ZNF736: variants seen among roughly 807,000 people sequenced by gnomAD.
The protein encoded by ZNF736 is KRAB-containing zinc-finger repressor protein.
Under a neutral mutation model 11.7 loss-of-function variants are expected in ZNF736, and 6 were observed. That is an observed-to-expected ratio of 0.51 (90% CI 0.28 to 1.01). The LOEUF is 1.01. Ranked by LOEUF, ZNF736 falls within the 50% of genes least tolerant of loss-of-function variation. The pLI, the probability that ZNF736 is intolerant of heterozygous loss-of-function variation, is 0.09. For synonymous variants in ZNF736, 139 were observed against 164.7 expected (o/e 0.84, Z 1.19); for missense variants, 444 against 496.0 (o/e 0.90, Z 1.00).
intron 1 of ZNF736, among the ~76,000 whole-genome samples, chr7:64,325,878 C>G (rs1789076411): frequency 6.6e-6 from 1 of 151,984 alleles, no homozygotes; most frequent in Admixed American, 6.6e-5. Flanking sequence ...ATTATGAAGC[C>G]AAGGAAATCT....
chr7:64,344,609 TA>T (rs1228094797), intron 3 of ZNF736, among the ~76,000 whole-genome samples: 1 of 152,208 alleles, frequency 6.6e-6, no homozygotes, highest in Non-Finnish European at 1.5e-5. Context: ...GTCTTTATAA[TA>T]GATATTAGAA....
chr7:64,322,762 T>G (rs905142716), intron 1 of ZNF736, among the ~76,000 whole-genome samples: 28 of 152,232 alleles, frequency 1.8e-4, no homozygotes, highest in African/African-American at 6.8e-4. Context: ...ATATCCTGAC[T>G]TGAAAATTAA....
intron 1 of ZNF736, 104 bp from the exon 2 acceptor site, chr7:64,336,155 G>A: frequency 2.3e-6 from 3 of 1,314,306 alleles, no homozygotes; most frequent in Non-Finnish European, 3.2e-6. Context: ...GATAACTCCA[G>A]TAACTCATAT....
chr7:64,329,555 C>G (rs1405831016), intron 1 of ZNF736, among the ~76,000 whole-genome samples: 1 of 152,186 alleles, frequency 6.6e-6, no homozygotes, highest in African/African-American at 2.4e-5. Flanking sequence ...CCAAGAGAGT[C>G]TCTGGGTTAC....
At chr7:64,343,215 A>G (rs1255867149) in intron 3 of ZNF736, among the ~76,000 whole-genome samples, 1 of 152,214 alleles carries the variant, frequency 6.6e-6, no homozygotes. Context: ...CTATATACAC[A>G]TTGAAATACT....
At chr7:64,332,429 A>T (rs751960491) in intron 1 of ZNF736, among the ~76,000 whole-genome samples, 2 of 152,174 alleles carry the variant, frequency 1.3e-5, no homozygotes, top group African/African-American at 2.4e-5. Context: ...AGGTACAAAG[A>T]TCACATGCTT....
chr7:64,336,430 T>C (rs1345602433), intron 2 of ZNF736, 45 bp downstream of exon 2: 4 of 1,498,710 alleles, frequency 2.7e-6, no homozygotes, highest in Non-Finnish European at 3.6e-6. Context: ...CATTAAATAT[T>C]TTATTTTCTT....
In ZNF736 at chr7:64,349,051, C is replaced by G; in HGVS notation, c.1188C>G (p.Pro396=). Residue 396 remains proline, a synonymous_variant, in exon 4 of 4, where the codon CCC becomes CCG. Transcript: ENST00000423484. ...NHKRIHTGEK[P]YKCEECGKAS... The stretch of plus-strand genomic sequence containing the variant: ...AGAGAATTCACACTGGAGAGAAACC[C>G]TACAAATGTGAAGAATGTGGCAAAG... 6.2e-7 allele frequency: 1 copy of G among 1,606,412 alleles called. No individual in the cohort carries two copies. The highest frequency in any genetic ancestry group is 8.5e-7 in the Non-Finnish European group (1 of 1,175,960).
At chr7:64,328,748 C>T (rs112613779) in intron 1 of ZNF736, among the ~76,000 whole-genome samples, 18,756 of 151,754 alleles carry the variant, frequency 0.12, 1,442 homozygotes, top group Non-Finnish European at 0.17. Context: ...GGCGACAGAG[C>T]GAGGCTCTGT....
At chr7:64,339,505 A>G (rs1465723557) in intron 3 of ZNF736, among the ~76,000 whole-genome samples, 2 of 152,078 alleles carry the variant, frequency 1.3e-5, no homozygotes, top group Admixed American at 1.3e-4. Flanking sequence ...ACTTGTGGAT[A>G]TTCAGTTTTC....
intron 1 of ZNF736, among the ~76,000 whole-genome samples, chr7:64,329,205 C>T (rs1789123809): frequency 6.6e-6 from 1 of 151,148 alleles, no homozygotes; most frequent in Non-Finnish European, 1.5e-5. Flanking sequence ...TTTGAATTTC[C>T]TGTCTGAAAG....
chr7:64,318,679 A>C (rs1401205819), intron 1 of ZNF736, among the ~76,000 whole-genome samples: 1 of 152,206 alleles, frequency 6.6e-6, no homozygotes, highest in Non-Finnish European at 1.5e-5. Context: ...ATTCTTAAAA[A>C]TATTGGGCTT....
intron 1 of ZNF736, among the ~76,000 whole-genome samples, chr7:64,320,135 C>T (rs535780223): frequency 5.3e-4 from 81 of 152,264 alleles, no homozygotes; most frequent in African/African-American, 1.8e-3. Context: ...TCCAAGAAAT[C>T]CTGTATGACT....
At chr7:64,319,315 ATGTGTGTGTGTGTATGTG>A (rs1562666624) in intron 1 of ZNF736, among the ~76,000 whole-genome samples, 3 of 82,758 alleles carry the variant, frequency 3.6e-5, no homozygotes, top group African/African-American at 1.5e-4. Context: ...GTGTATATGT[ATGTGTGTGTGTGTATGTG>A]TATATATATA....
chr7:64,347,582 T>G (rs1789428894), intron 3 of ZNF736, among the ~76,000 whole-genome samples: 1 of 152,278 alleles, frequency 6.6e-6, no homozygotes, highest in South Asian at 2.1e-4. Context: ...ATTGTCTGTC[T>G]ATGATACTGA....
intron 3 of ZNF736, among the ~76,000 whole-genome samples, chr7:64,339,707 A>G (rs1376565328): frequency 7.3e-6 from 1 of 137,752 alleles, no homozygotes; most frequent in African/African-American, 2.5e-5. Context: ...GTAGTTTAAA[A>G]TCAGAAAGTA....
intron 1 of ZNF736, among the ~76,000 whole-genome samples, chr7:64,329,501 T>C (rs903698174): frequency 2.6e-5 from 4 of 152,212 alleles, no homozygotes; most frequent in African/African-American, 7.2e-5. Context: ...ACTGTGATGC[T>C]TGCAGACTTG....
rs770435575 is a variant in ZNF736 at position 64,314,122 on chromosome 7, A to T, written c.-29A>T. 1.3e-6 allele frequency: 2 copies of T among 1,551,828 alleles called. No individual in the cohort carries two copies. Among genetic ancestry groups the T allele is most frequent in the Admixed American group, 3.9e-5 (2 of 51,004 alleles). ...TGCAGGTACTGGGAGATCCATAGGG[A>T]GGACGGCGGAACATCTGGAGGCTGG... On this transcript the variant is annotated 5_prime_UTR_variant, in exon 1 of 4. Transcript: ENST00000423484.
At chr7:64,324,925 CAGGCAGCAGTAACA>C (rs1343611361) in intron 1 of ZNF736, among the ~76,000 whole-genome samples, 1 of 152,212 alleles carries the variant, frequency 6.6e-6, no homozygotes, top group African/African-American at 2.4e-5. Context: ...GGTAATATGA[CAGGCAGCAGTAACA>C]AGGCAGCTGT....
Sources: allele counts gnomAD v4.1 joint callset (sites outside exome capture counted in the v4.1 genomes callset), GRCh38; gene constraint gnomAD v4.1.1; transcripts MANE v1.5; gene names NCBI Gene and HGNC (gene_info 2026-07-23, HGNC 2026-07-21).